SDK2: variants seen among roughly 807,000 people sequenced by gnomAD.
The protein encoded by SDK2 is sidekick cell adhesion molecule 2.
Under a neutral mutation model 253.9 loss-of-function variants are expected in SDK2, and 105 were observed. The ratio of observed to expected loss-of-function variants is 0.41; its 90% CI spans 0.35 to 0.49. The LOEUF is 0.49. Ranked by LOEUF, SDK2 falls within the 20% of genes least tolerant of loss-of-function variation. The pLI is 0.06. For synonymous variants in SDK2, 1,249 were observed against 1,234.9 expected (o/e 1.01, Z -0.24); for missense variants, 2,608 against 3,003.0 (o/e 0.87, Z 3.07).
Position 73,524,224 on chromosome 17 carries a change from C to T in SDK2, c.65-16627G>A, listed in dbSNP as rs28593312. ...CGACATTCTGTGTAGCAGGGACCCT[C>T]GGGCAGCAGGATTGGCATGTTGGCA... On this transcript the variant is annotated intron_variant, in intron 1 of 44. Coordinates refer to ENST00000392650, the MANE Select transcript of SDK2 (RefSeq NM_001144952.2). 3.4e-3 allele frequency among the ~76,000 whole-genome samples: 512 copies of T among 152,250 alleles called. 4 individuals carry two copies. The highest frequency in any genetic ancestry group is 0.012 in the African/African-American group (485 of 41,544).
At position 73,437,818 on chromosome 17, in the gene SDK2, C is replaced by T. The variant is rs778460280; in HGVS notation, c.921G>A (p.Pro307=). ...TTTCTGGCTCCTTGACAAACTGAGG[C>T]GGTTCTGCAGGAGGAAGGACCAGGG... ...VRGAYLSVLE[P]PQFVKEPERH... is the part of the protein sequence containing the mutation. The change falls in exon 8 of 45, where the codon CCG becomes CCA. Residue 307 remains proline, a synonymous_variant. Coordinates refer to ENST00000392650, the MANE Select transcript of SDK2 (RefSeq NM_001144952.2). The T allele has an allele frequency of 2.7e-5, 44 of 1,613,812 alleles. No individual in the cohort carries two copies. The highest frequency in any genetic ancestry group is 1.6e-4 in the Middle Eastern group (1 of 6,084).
chr17:73,563,846 T>C (rs1230473933), intron 1 of SDK2, among the ~76,000 whole-genome samples: 2 of 152,046 alleles, frequency 1.3e-5, no homozygotes, highest in East Asian at 3.9e-4. Flanking sequence ...CATCATGGCT[T>C]ACTGCAGCCT....
In SDK2 at chr17:73,472,088, C is replaced by A. The variant is rs187289233; in HGVS notation, c.331+24G>T. The stretch of plus-strand genomic sequence containing the variant: ...TCTGGCACCACAGTCGCCCCCCCTG[C>A]CCCTGGGTCCCCATTGTACTCACAG... On this transcript the variant is annotated intron_variant, in intron 3 of 44. Coordinates refer to ENST00000392650, the MANE Select transcript of SDK2 (RefSeq NM_001144952.2). The A allele has an allele frequency of 8.3e-5, 126 of 1,522,368 alleles. No individual in the cohort carries two copies. The African/African-American group carries it at 1.3e-3, about 16-fold the overall frequency. The allele number at this position is 1,522,368 out of a possible 1,614,324, so 94.3% of individuals were successfully genotyped here.
rs528047436 is a variant in SDK2 at position 73,507,786 on chromosome 17, A to G, written c.65-189T>C. On this transcript the variant is annotated intron_variant, in intron 1 of 44. Coordinates refer to ENST00000392650, the MANE Select transcript of SDK2 (RefSeq NM_001144952.2). ...CAAGGCTTGGTCTTCAGCGGGAGTC[A>G]CCGACATCTGCCAACCAGAGCCCTG... Among the ~76,000 whole-genome samples, 37 of 152,260 alleles carry G rather than the reference A, an allele frequency of 2.4e-4. 1 individual carries two copies. The South Asian group carries it at 7.5e-3, about 31-fold the overall frequency.
At position 73,483,605 on chromosome 17, in the gene SDK2, GTA is replaced by G. The variant is rs535927721; in HGVS notation, c.225-11389_225-11388del. ...TATATATATGTATATATATGTATGT[GTA>G]TATATATGTATATATATGTATATGT... On this transcript the variant is annotated intron_variant, in intron 2 of 44. Transcript: ENST00000392650. Among the ~76,000 whole-genome samples the G allele has an allele frequency of 1.7e-3, 228 of 132,320 alleles. 4 individuals are homozygous for G. The highest frequency in any genetic ancestry group is 6.0e-3 in the African/African-American group (206 of 34,432). 86.8% of individuals were successfully genotyped at this position (132,320 alleles called of 152,430 possible).
chr17:73,519,920 C>T (rs12453316), intron 1 of SDK2: 40,251 of 152,214 alleles, frequency 0.26, 6,561 homozygotes, highest in South Asian at 0.38. Context: ...TGGCGTGTAA[C>T]AAAGACTGCC....
At chr17:73,438,194 A>G in intron 6 of SDK2, 40 bp from the exon 7 acceptor site, 1 of 1,516,828 alleles carries the variant, frequency 6.6e-7, no homozygotes, top group Non-Finnish European at 8.9e-7. Flanking sequence ...AGCCATGAGG[A>G]CTCCCAGAGG....
At chr17:73,633,865 G>A (rs994548693) in intron 1 of SDK2, among the ~76,000 whole-genome samples, 1 of 152,108 alleles carries the variant, frequency 6.6e-6, no homozygotes, top group Admixed American at 6.5e-5. Context: ...CAGTGGAGAG[G>A]AGAACAGGGG....
intron 1 of SDK2, among the ~76,000 whole-genome samples, chr17:73,524,098 T>C (rs748872): frequency 0.48 from 72,612 of 152,044 alleles, 17,601 homozygotes; most frequent in South Asian, 0.59. Context: ...TCCTACTGGC[T>C]ACTTCTCCAT....
At chr17:73,377,077 G>A (rs767064167) in intron 36 of SDK2, among the ~76,000 whole-genome samples, 14 of 152,108 alleles carry the variant, frequency 9.2e-5, no homozygotes, top group Non-Finnish European at 1.8e-4. Flanking sequence ...CCCCACTTAA[G>A]CCATGGCACT....
At chr17:73,414,834 CGCAGGGG>C in intron 17 of SDK2, 75 bp from the exon 18 acceptor site, 1 of 913,192 alleles carries the variant, frequency 1.1e-6, no homozygotes, top group Non-Finnish European at 1.8e-6. Flanking sequence ...GTAGAGAAAA[CGCAGGGG>C]TGGGGGCTAT....
intron 24 of SDK2, among the ~76,000 whole-genome samples, chr17:73,396,882 C>T (rs987704303): frequency 4.6e-5 from 7 of 152,246 alleles, no homozygotes; most frequent in Admixed American, 2.6e-4. Flanking sequence ...TGAGGTGGGC[C>T]GAGACAGCTC....
At chr17:73,406,329 T>C (rs1004624454) in intron 18 of SDK2, among the ~76,000 whole-genome samples, 5 of 151,472 alleles carry the variant, frequency 3.3e-5, no homozygotes, top group African/African-American at 4.8e-5. Flanking sequence ...CTGCAATCTC[T>C]GCCTCCCCAG....
rs1425432876 is a variant in SDK2 at position 73,358,212 on chromosome 17, C to T, written c.5468-8G>A. ...CAGGCGGTCCTGGGGCACCTGCAGACAGCACACAGAGGCGAGGGATGTATG... is the reference window on the plus strand; with the variant it reads ...CAGGCGGTCCTGGGGCACCTGCAGATAGCACACAGAGGCGAGGGATGTATG... On this transcript the variant is annotated splice_polypyrimidine_tract_variant and splice_region_variant and intron_variant, in intron 39 of 44. Coordinates refer to ENST00000392650, the MANE Select transcript of SDK2 (RefSeq NM_001144952.2). The T allele has an allele frequency of 6.3e-7, 1 of 1,596,702 alleles. No homozygotes were observed. The highest frequency in any genetic ancestry group is 8.5e-7 in the Non-Finnish European group (1 of 1,175,288).
At chr17:73,348,854 G>T in intron 43 of SDK2, 129 bp from the exon 44 acceptor site, 1 of 743,050 alleles carries the variant, frequency 1.3e-6, no homozygotes, top group Non-Finnish European at 2.1e-6. Context: ...CTCCTTCCTG[G>T]GTCTGCCTTC....
At chr17:73,401,589 T>G in intron 20 of SDK2, 65 bp downstream of exon 20, 2 of 1,406,852 alleles carry the variant, frequency 1.4e-6, no homozygotes, top group Non-Finnish European at 9.9e-7. Context: ...AGGCAGGGGA[T>G]GGACCAGCTC....
chr17:73,451,877 A>C (rs2063492325), intron 4 of SDK2, among the ~76,000 whole-genome samples: 1 of 152,158 alleles, frequency 6.6e-6, no homozygotes, highest in Admixed American at 6.5e-5. Context: ...GGCAACCCAG[A>C]TGGAAAGAAG....
chr17:73,412,116 G>GTATATGTATA (rs1295677808), intron 18 of SDK2, among the ~76,000 whole-genome samples: 6 of 50,564 alleles, frequency 1.2e-4, no homozygotes, highest in African/African-American at 5.1e-4. Flanking sequence ...ACGTATATAT[G>GTATATGTATA]TATACGTATA....
intron 9 of SDK2, among the ~76,000 whole-genome samples, chr17:73,434,952 TA>T (rs35824117): frequency 0.27 from 40,860 of 152,030 alleles, 5,844 homozygotes; most frequent in Non-Finnish European, 0.31. Context: ...CTTTGATTGC[TA>T]AAAACAGCTC....
Sources: allele counts gnomAD v4.1 joint callset (sites outside exome capture counted in the v4.1 genomes callset), GRCh38; gene constraint gnomAD v4.1.1; transcripts MANE v1.5; gene names NCBI Gene and HGNC (gene_info 2026-07-23, HGNC 2026-07-21).